USP34: variants seen among roughly 807,000 people sequenced by gnomAD.
The protein encoded by USP34 is ubiquitin specific peptidase 34, also known as ubiquitin carboxyl-terminal hydrolase 34.
Under a neutral mutation model 460.3 loss-of-function variants are expected in USP34, and 70 were observed. The observed-to-expected ratio is 0.15, with a 90% CI of 0.13 to 0.19. The LOEUF is 0.19. Among genes scored for constraint, USP34 ranks in the 10% least tolerant of loss-of-function variants. USP34 has a pLI of 1.00. For missense variants in USP34, 3,985 were observed against 4,236.2 expected, an observed-to-expected ratio of 0.94 and a Z score of 1.65; for synonymous variants, 1,647 against 1,405.3, an observed-to-expected ratio of 1.17 and a Z score of -3.85.
Position 61,214,630 on chromosome 2 carries a change from T to C in USP34, c.8112A>G (p.Thr2704=). 1 of 1,614,206 alleles carries C rather than the reference T, an allele frequency of 6.2e-7. No homozygotes were observed. The highest frequency in any genetic ancestry group is 2.2e-5 in the East Asian group (1 of 44,892). The change falls in exon 68 of 80, where the codon ACA becomes ACG. Residue 2704 remains threonine, a synonymous_variant. Transcript: ENST00000398571. ...CACGGGTTGGGATGTGCAAAGACCT[T>C]GTTGACCGGAACATCTGACGGAATG... The part of the protein sequence containing the change: ...SNSFRQMFRS[T]RSLHIPTRDL...
intron 67 of USP34, among the ~76,000 whole-genome samples, chr2:61,216,622 A>G (rs1368717284): frequency 2.0e-5 from 3 of 150,306 alleles, no homozygotes; most frequent in Non-Finnish European, 4.4e-5. Context: ...AAAACAAAAA[A>G]CAAAAAAACC....
At chr2:61,311,337 T>G (rs1690585143) in intron 27 of USP34, among the ~76,000 whole-genome samples, 1 of 152,114 alleles carries the variant, frequency 6.6e-6, no homozygotes. Context: ...TACCCTGATC[T>G]TGGACTTCCC....
chr2:61,305,330 A>T (rs1690369240), intron 27 of USP34, among the ~76,000 whole-genome samples: 4 of 152,066 alleles, frequency 2.6e-5, no homozygotes, highest in Admixed American at 2.0e-4. Flanking sequence ...AAAAAAAAAA[A>T]TTTACAGACA....
chr2:61,302,129 T>A (rs1690245973), intron 27 of USP34, among the ~76,000 whole-genome samples: 1 of 152,150 alleles, frequency 6.6e-6, no homozygotes, highest in African/African-American at 2.4e-5. Context: ...TGTACAACTT[T>A]TTCGGGAAAA....
chr2:61,216,428 A>G (rs1056949274), intron 67 of USP34, among the ~76,000 whole-genome samples: 5 of 150,074 alleles, frequency 3.3e-5, no homozygotes, highest in Non-Finnish European at 3.0e-5. Flanking sequence ...GTGAAACCCC[A>G]TCTCTACTAA....
At chr2:61,444,921 C>CAAA (rs34855063) in intron 1 of USP34, among the ~76,000 whole-genome samples, 16 of 137,956 alleles carry the variant, frequency 1.2e-4, no homozygotes, top group East Asian at 2.1e-4. Context: ...TCCTTAACAC[C>CAAA]AAAAAAAAAA....
chr2:61,263,260 A>G (rs779800089), intron 43 of USP34, among the ~76,000 whole-genome samples: 92 of 144,266 alleles, frequency 6.4e-4, no homozygotes, highest in Non-Finnish European at 9.1e-4. Context: ...AGCTCACTGC[A>G]ACCTCTGCCT....
At chr2:61,460,631 G>C (rs10170830) in intron 1 of USP34, among the ~76,000 whole-genome samples, 2,899 of 129,998 alleles carry the variant, frequency 0.022, 88 homozygotes, top group African/African-American at 0.074. Flanking sequence ...TGGATAAGGG[G>C]GGAATACTGT....
intron 43 of USP34, among the ~76,000 whole-genome samples, chr2:61,261,262 C>T (rs771864566): frequency 6.6e-6 from 1 of 152,130 alleles, no homozygotes; most frequent in African/African-American, 2.4e-5. Flanking sequence ...ACCCAAGTAT[C>T]CACTGATAAG....
intron 67 of USP34, 78 bp from the exon 68 acceptor site, chr2:61,214,772 C>T (rs1687353506): frequency 1.4e-6 from 2 of 1,460,920 alleles, no homozygotes; most frequent in Non-Finnish European, 1.8e-6. Flanking sequence ...ATCACAAAGC[C>T]ACTGTTCCCT....
At chr2:61,323,906 A>T (rs1341714208) in intron 21 of USP34, among the ~76,000 whole-genome samples, 1 of 152,146 alleles carries the variant, frequency 6.6e-6, no homozygotes, top group African/African-American at 2.4e-5. Flanking sequence ...CAGGTCGCTT[A>T]TTTTTGAAAT....
chr2:61,265,321 A>G, intron 43 of USP34, 76 bp downstream of exon 43: 1 of 1,475,882 alleles, frequency 6.8e-7, no homozygotes, highest in South Asian at 1.3e-5. Context: ...CATTTACTAC[A>G]TTGAAATAAA....
Position 61,189,060 on chromosome 2 carries a change from C to A in USP34, c.9883G>T (p.Ala3295Ser). ...TGTACTGACAGGAGCAAAGCGAGTG[C>A]CCTCAGGTCCTACAAAAACCCAGAT... ...ASASLNGDLR[A>S]LALLLSVHTP... is the part of the protein sequence containing the mutation. Residue 3295 changes from alanine to serine, a missense_variant, in exon 79 of 80, where the codon GCA becomes TCA. Ala to Ser is a moderately conservative substitution (Grantham distance 99, BLOSUM62 1). This residue lies in a region of USP34 where 506 missense variants were observed against 439.0 expected (regional missense o/e 1.15). Coordinates refer to ENST00000398571, the MANE Select transcript of USP34 (RefSeq NM_014709.4). 6.2e-7 allele frequency: 1 copy of A among 1,610,634 alleles called. No homozygotes were observed. Among genetic ancestry groups the A allele is most frequent in the Non-Finnish European group, 8.5e-7 (1 of 1,179,042 alleles).
At position 61,187,541 on chromosome 2, in the gene USP34, A is replaced by C; in HGVS notation, c.*561T>G. On this transcript the variant is annotated 3_prime_UTR_variant, in exon 80 of 80. Coordinates refer to ENST00000398571, the MANE Select transcript of USP34 (RefSeq NM_014709.4). ...TCAGTCATGTCAATAAAAATAAAACAATTATTTTTACATCAAGTGTGCTTT... is the reference window on the plus strand; with the variant it reads ...TCAGTCATGTCAATAAAAATAAAACCATTATTTTTACATCAAGTGTGCTTT... 1 of 975,642 alleles carries C rather than the reference A, an allele frequency of 1.0e-6. No homozygotes were observed. Among genetic ancestry groups the C allele is most frequent in the Non-Finnish European group, 1.2e-6 (1 of 820,568 alleles). 60.4% of individuals were successfully genotyped at this position (975,642 alleles called of 1,614,324 possible).
At chr2:61,234,631 T>A (rs1688010669) in intron 57 of USP34, among the ~76,000 whole-genome samples, 1 of 152,076 alleles carries the variant, frequency 6.6e-6, no homozygotes, top group African/African-American at 2.4e-5. Flanking sequence ...AGTTTCAGGT[T>A]TATTTTTTAT....
chr2:61,241,523 AT>A, intron 53 of USP34, 36 bp downstream of exon 53: 1 of 1,494,216 alleles, frequency 6.7e-7, no homozygotes, highest in Non-Finnish European at 9.2e-7. Flanking sequence ...CACTTAACAT[AT>A]TTTTAAAATG....
intron 10 of USP34, among the ~76,000 whole-genome samples, chr2:61,363,314 G>GT (rs576232145): frequency 1.3e-3 from 198 of 152,258 alleles, no homozygotes; most frequent in African/African-American, 4.6e-3. Flanking sequence ...TTCTCAAAAA[G>GT]TTTAACACAG....
intron 57 of USP34, among the ~76,000 whole-genome samples, chr2:61,232,790 A>G (rs920020872): frequency 2.0e-5 from 3 of 150,890 alleles, no homozygotes; most frequent in African/African-American, 7.3e-5. Flanking sequence ...ATAATAAAAT[A>G]TCATTCTCTT....
At chr2:61,446,723 G>C (rs1052832266) in intron 1 of USP34, among the ~76,000 whole-genome samples, 1 of 151,294 alleles carries the variant, frequency 6.6e-6, no homozygotes, top group Non-Finnish European at 1.5e-5. Context: ...TAGAACCTGA[G>C]AGGCAGAGGT....
Sources: gnomAD v4.1 joint callset for allele counts (sites outside exome capture counted in the v4.1 genomes callset) on GRCh38, gnomAD v4.1.1 for gene constraint, gnomAD v4.1.1 regional missense constraint, MANE v1.5 for transcripts, NCBI Gene and HGNC (gene_info 2026-07-23, HGNC 2026-07-21) for gene names.